KNTC1: variants seen among roughly 807,000 people sequenced by gnomAD.
KNTC1 encodes the protein kinetochore associated 1, also known as kinetochore-associated protein 1.
Under a neutral mutation model 314.4 loss-of-function variants are expected in KNTC1, and 253 were observed. The ratio of observed to expected loss-of-function variants is 0.80; its 90% CI spans 0.73 to 0.89. The LOEUF (loss-of-function observed/expected upper bound fraction) is 0.89. Ranked by LOEUF, KNTC1 falls within the 40% of genes least tolerant of loss-of-function variation. The pLI is 0.00. For missense variants in KNTC1, 2,475 were observed against 2,572.9 expected (o/e 0.96, Z 0.82); for synonymous variants, 901 against 901.4 (o/e 1.00, Z 0.01).
At chr12:122,618,250 G>A (rs1873981951) in intron 57 of KNTC1, 93 bp from the exon 58 acceptor site, 1 of 1,052,084 alleles carries the variant, frequency 9.5e-7, no homozygotes, top group South Asian at 1.4e-5. Context: ...GGGATTATAG[G>A]TGTGAGCCAC....
intron 1 of KNTC1, among the ~76,000 whole-genome samples, chr12:122,528,744 T>C (rs1565920652): frequency 6.6e-6 from 1 of 152,216 alleles, no homozygotes; most frequent in Non-Finnish European, 1.5e-5. Context: ...CTTTAAATCA[T>C]CTCTTGATTT....
At chr12:122,578,622 G>A (rs566097921) in intron 31 of KNTC1, among the ~76,000 whole-genome samples, 83 of 152,152 alleles carry the variant, frequency 5.5e-4, no homozygotes, top group African/African-American at 2.0e-3. Context: ...GTTTCACCAT[G>A]TTGGCCAGGC....
chr12:122,539,718 C>A lies in KNTC1; in HGVS notation c.409C>A (p.Gln137Lys). Residue 137 changes from glutamine to lysine, a missense_variant, in exon 5 of 64, where the codon CAG (glutamine) becomes AAG (lysine). By Grantham distance (53) the Gln-to-Lys change is moderately conservative (BLOSUM62 1). Transcript: ENST00000333479. ...TAACGATGAAAATCGGCGGACTTAC[C>A]AGAATCTTGTCATTGAGAAGGATGG... Reference protein sequence around the residue: ...KANDENRRTYQNLVIEKDGSN... With the variant: ...KANDENRRTYKNLVIEKDGSN... 1.3e-6 allele frequency: 2 copies of A among 1,579,688 alleles called. No homozygotes were observed. Among genetic ancestry groups the A allele is most frequent in the South Asian group, 1.2e-5 (1 of 85,264 alleles).
At chr12:122,549,986 T>A in intron 13 of KNTC1, 122 bp downstream of exon 13, 1 of 574,132 alleles carries the variant, frequency 1.7e-6, no homozygotes, top group Non-Finnish European at 3.1e-6. Flanking sequence ...AGTGGAAACC[T>A]GGATAAATTT....
intron 44 of KNTC1, among the ~76,000 whole-genome samples, chr12:122,598,400 T>C (rs1034487111): frequency 4.0e-5 from 6 of 149,084 alleles, no homozygotes; most frequent in Non-Finnish European, 7.4e-5. Flanking sequence ...CTGCCGGAAA[T>C]GTCTTTTTTC....
intron 18 of KNTC1, among the ~76,000 whole-genome samples, chr12:122,559,927 C>G (rs571518074): frequency 6.6e-6 from 1 of 152,256 alleles, no homozygotes; most frequent in East Asian, 1.9e-4. Flanking sequence ...TAATCACATT[C>G]GGCCATCGTC....
chr12:122,592,221 G>A (rs947799975), intron 42 of KNTC1, among the ~76,000 whole-genome samples: 2 of 152,214 alleles, frequency 1.3e-5, no homozygotes, highest in African/African-American at 2.4e-5. Context: ...GCCCACGGGC[G>A]CTGTGCTCGC....
At chr12:122,595,689 G>A (rs1041567495) in intron 43 of KNTC1, among the ~76,000 whole-genome samples, 17 of 152,180 alleles carry the variant, frequency 1.1e-4, no homozygotes, top group African/African-American at 4.1e-4. Flanking sequence ...TCATTCTTCA[G>A]TTTAGAGTGT....
chr12:122,536,473 C>G (rs908691422), intron 3 of KNTC1, among the ~76,000 whole-genome samples: 1 of 151,674 alleles, frequency 6.6e-6, no homozygotes, highest in Non-Finnish European at 1.5e-5. Context: ...CTGCCCGCCT[C>G]GGCCTCCTGA....
intron 33 of KNTC1, among the ~76,000 whole-genome samples, chr12:122,582,370 T>A (rs1868533158): frequency 6.6e-6 from 1 of 152,124 alleles, no homozygotes; most frequent in Admixed American, 6.6e-5. Context: ...GGAGCTGTGT[T>A]TATACCACTG....
chr12:122,567,079 C>CT (rs1019417954), intron 20 of KNTC1, among the ~76,000 whole-genome samples: 25 of 147,182 alleles, frequency 1.7e-4, no homozygotes, highest in African/African-American at 4.0e-4. Context: ...TTAAAAAAAA[C>CT]TTTTTTTTTT....
At chr12:122,584,007 C>T (rs530109821) in intron 34 of KNTC1, among the ~76,000 whole-genome samples, 1 of 152,218 alleles carries the variant, frequency 6.6e-6, no homozygotes, top group East Asian at 1.9e-4. Context: ...CACCTGTAGT[C>T]TCAGCTACTT....
At position 122,531,161 on chromosome 12, in the gene KNTC1, CTT is replaced by C. The variant is rs376418570; in HGVS notation, c.129+978_129+979del. On this transcript the variant is annotated intron_variant, in intron 2 of 63. Transcript: ENST00000333479. ...AAGGGAATTAAATGTATGCTTTTGA[CTT>C]TTTTTTTTAAACTGGCTGATGGGAT... Among the ~76,000 whole-genome samples, 8 of 148,208 alleles carry C rather than the reference CTT, an allele frequency of 5.4e-5. No homozygotes were observed. The South Asian group carries it at 1.7e-3, about 32-fold the overall frequency.
At chr12:122,619,704 G>A (rs1345185863) in intron 59 of KNTC1, among the ~76,000 whole-genome samples, 1 of 152,012 alleles carries the variant, frequency 6.6e-6, no homozygotes, top group Admixed American at 6.6e-5. Context: ...CAGCCACCGC[G>A]CCCGGCCAAC....
chr12:122,572,507 C>T (rs1246646498), intron 24 of KNTC1, among the ~76,000 whole-genome samples: 1 of 152,126 alleles, frequency 6.6e-6, no homozygotes, highest in Non-Finnish European at 1.5e-5. Flanking sequence ...TTTCCTCTTG[C>T]TGTAAAACAT....
chr12:122,602,923 C>G lies in KNTC1; in HGVS notation c.4884+36C>G, dbSNP rs377010997. On this transcript the variant is annotated intron_variant, in intron 47 of 63. Transcript: ENST00000333479. The stretch of plus-strand genomic sequence containing the variant: ...AAAACATTGTAAGACATTTCTGTAT[C>G]CTGCAATTAATTCTGACCCCGTATA... The G allele has an allele frequency of 1.1e-3, 1,731 of 1,560,050 alleles. 17 individuals are homozygous for G. The highest frequency in any genetic ancestry group is 1.1e-3 in the Admixed American group (66 of 59,164).
intron 20 of KNTC1, among the ~76,000 whole-genome samples, chr12:122,566,741 C>T (rs182267796): frequency 2.7e-5 from 4 of 148,166 alleles, no homozygotes; most frequent in African/African-American, 9.9e-5. Context: ...ACGGATTTTG[C>T]CATGTTGTCC....
chr12:122,621,371 G>A (rs1440560135), intron 60 of KNTC1, among the ~76,000 whole-genome samples: 2 of 152,088 alleles, frequency 1.3e-5, no homozygotes, highest in African/African-American at 4.8e-5. Context: ...TTTGTGTTTT[G>A]TTTTTTGAGA....
rs1869173118 is a variant in KNTC1, at chr12:122,585,700, A to G, written c.3599A>G (p.Asp1200Gly). Residue 1200 changes from aspartate (D) to glycine (G), a missense_variant, in exon 37 of 64, where the codon GAT (aspartate) becomes GGT (glycine). Transcript: ENST00000333479. ...TCTTACAGTGACTTCTTCAGTGAAG[A>G]TGGAATTGTTCTTGAGTCACAGATG... is the stretch of plus-strand genomic sequence containing the variant. The part of the protein sequence containing the change: ...EWSYSDFFSE[D>G]GIVLESQMVL... 1 of 1,613,720 alleles carries G rather than the reference A, an allele frequency of 6.2e-7. No homozygotes were observed. The highest frequency in any genetic ancestry group is 8.5e-7 in the Non-Finnish European group (1 of 1,179,626).
Sources: allele counts gnomAD v4.1 joint callset (sites outside exome capture counted in the v4.1 genomes callset), GRCh38; gene constraint gnomAD v4.1.1; transcripts MANE v1.5; gene names NCBI Gene and HGNC (gene_info 2026-07-23, HGNC 2026-07-21).